SPIDR: variants seen among roughly 807,000 people sequenced by gnomAD.
SPIDR encodes scaffold protein involved in DNA repair, also known as DNA repair-scaffolding protein.
SPIDR carries 93 observed loss-of-function variants against 104.6 expected under a neutral mutation model. The observed-to-expected ratio is 0.89, with a 90% CI of 0.75 to 1.06. The LOEUF (loss-of-function observed/expected upper bound fraction) is 1.06, where lower values mean the gene tolerates loss of function less well. Ranked by LOEUF, SPIDR falls within the 50% of genes least tolerant of loss-of-function variation. SPIDR has a pLI of 0.00. For missense variants in SPIDR, 1,154 were observed against 1,111.2 expected (o/e 1.04, Z -0.55); for synonymous variants, 431 against 416.9 (o/e 1.03, Z -0.41).
chr8:47,362,311 A>C (rs564557128), intron 5 of SPIDR, among the ~76,000 whole-genome samples: 1 of 152,198 alleles, frequency 6.6e-6, no homozygotes, highest in Non-Finnish European at 1.5e-5. Flanking sequence ...TTAGCCGCAG[A>C]GTTGAAAACT....
At chr8:47,527,764 G>GTTTTA (rs931287212) in intron 8 of SPIDR, 1 of 152,162 alleles carries the variant, frequency 6.6e-6, no homozygotes, top group East Asian at 1.9e-4. Flanking sequence ...GTGGGCTACT[G>GTTTTA]TTTTATTTTA....
intron 5 of SPIDR, among the ~76,000 whole-genome samples, chr8:47,334,375 C>T (rs567468509): frequency 4.6e-5 from 7 of 152,180 alleles, no homozygotes; most frequent in African/African-American, 1.4e-4. Context: ...CTTGAAGTCT[C>T]GGATTATGAT....
intron 8 of SPIDR, among the ~76,000 whole-genome samples, chr8:47,504,342 TC>T (rs1021043894): frequency 6.6e-6 from 1 of 152,220 alleles, no homozygotes; most frequent in African/African-American, 2.4e-5. Context: ...TTCTTTTTTT[TC>T]TTTTTTCTCT....
chr8:47,599,110 GCAAAGAGTGTA>G lies in SPIDR; in HGVS notation c.1459_1469del (p.Gln487PhefsTer39). 1 of 1,612,850 alleles carries G rather than the reference GCAAAGAGTGTA, an allele frequency of 6.2e-7. No individual in the cohort carries two copies. Among genetic ancestry groups the G allele is most frequent in the Non-Finnish European group, 8.5e-7 (1 of 1,179,516 alleles). On this transcript the variant is annotated frameshift_variant, in exon 10 of 20. Coordinates refer to ENST00000297423, the MANE Select transcript of SPIDR (RefSeq NM_001080394.4). LOFTEE classifies it high-confidence loss of function. Reference sequence around the variant, plus strand: ...CAGGAGCTGGAGTCCGAGTGGTGGTGCAAAGAGTGTATTCTCTTCCCAGCAGAGACAGCACC... The same window carrying G: ...CAGGAGCTGGAGTCCGAGTGGTGGTGTTCTCTTCCCAGCAGAGACAGCACC...
intron 1 of SPIDR, among the ~76,000 whole-genome samples, chr8:47,271,321 T>C (rs1323646191): frequency 1.3e-5 from 2 of 152,176 alleles, no homozygotes; most frequent in Non-Finnish European, 2.9e-5. Context: ...CTCTCCTTCC[T>C]TCTGAGACTC....
chr8:47,387,849 A>G (rs2060135779), intron 5 of SPIDR, among the ~76,000 whole-genome samples: 1 of 152,206 alleles, frequency 6.6e-6, no homozygotes, highest in Non-Finnish European at 1.5e-5. Context: ...CTACTTGGAA[A>G]TCTTCAAAAG....
chr8:47,693,444 C>T (rs915141193), intron 11 of SPIDR, among the ~76,000 whole-genome samples: 5 of 152,094 alleles, frequency 3.3e-5, no homozygotes, highest in African/African-American at 9.7e-5. Context: ...TGACAGGTGC[C>T]GGCATTGCTG....
chr8:47,646,345 T>C (rs959187203), intron 10 of SPIDR, among the ~76,000 whole-genome samples: 1 of 152,210 alleles, frequency 6.6e-6, no homozygotes, highest in African/African-American at 2.4e-5. Context: ...AGAGAGCACC[T>C]TGGCATGTGT....
chr8:47,415,521 T>C (rs1370174689), intron 7 of SPIDR, among the ~76,000 whole-genome samples: 1 of 152,124 alleles, frequency 6.6e-6, no homozygotes, highest in Non-Finnish European at 1.5e-5. Flanking sequence ...AGTTTGTTGG[T>C]ATTAGGAGGT....
At chr8:47,424,836 G>C (rs1554683540) in intron 7 of SPIDR, among the ~76,000 whole-genome samples, 2 of 152,078 alleles carry the variant, frequency 1.3e-5, no homozygotes, top group African/African-American at 4.8e-5. Flanking sequence ...CCTGGGTCCA[G>C]ACAATTTTTG....
At position 47,487,475 on chromosome 8, in the gene SPIDR, G is replaced by T. The variant is rs1454189902; in HGVS notation, c.1097+46933G>T. On this transcript the variant is annotated intron_variant, in intron 8 of 19. Transcript: ENST00000297423. ...ACAGAAAGTTAAAAAGGATATCCAG[G>T]AATTGAACTCAGCTCTGCACCTAGA... is the stretch of plus-strand genomic sequence containing the variant. Among the ~76,000 whole-genome samples, 4 of 152,084 alleles carry T rather than the reference G, an allele frequency of 2.6e-5. No homozygotes were observed. The East Asian group carries it at 7.7e-4, about 29-fold the overall frequency.
At chr8:47,299,804 C>G (rs1182454384) in intron 5 of SPIDR, among the ~76,000 whole-genome samples, 5 of 152,174 alleles carry the variant, frequency 3.3e-5, no homozygotes, top group African/African-American at 1.2e-4. Flanking sequence ...ATGAAGCCCA[C>G]TTGATCATGG....
chr8:47,594,983 C>T (rs1470488473), intron 8 of SPIDR, among the ~76,000 whole-genome samples: 11 of 151,860 alleles, frequency 7.2e-5, no homozygotes, highest in Non-Finnish European at 1.6e-4. Flanking sequence ...GCGACAGAGC[C>T]GAGACCATGT....
chr8:47,675,457 C>T (rs1416262442), intron 11 of SPIDR, among the ~76,000 whole-genome samples: 3 of 152,120 alleles, frequency 2.0e-5, no homozygotes, highest in Non-Finnish European at 4.4e-5. Context: ...TGTCTAGATA[C>T]GAGAAAAGCT....
At chr8:47,322,853 G>C (rs564416560) in intron 5 of SPIDR, among the ~76,000 whole-genome samples, 20 of 152,056 alleles carry the variant, frequency 1.3e-4, no homozygotes, top group African/African-American at 2.2e-4. Flanking sequence ...AAACCAAACA[G>C]CGCATGTTCT....
At chr8:47,598,024 A>G (rs1050369049) in intron 9 of SPIDR, among the ~76,000 whole-genome samples, 6 of 152,236 alleles carry the variant, frequency 3.9e-5, no homozygotes, top group African/African-American at 4.8e-5. Flanking sequence ...CTCTTTGACT[A>G]TCAAAAGAAG....
At chr8:47,431,300 T>C (rs566481272) in intron 7 of SPIDR, among the ~76,000 whole-genome samples, 1 of 152,200 alleles carries the variant, frequency 6.6e-6, no homozygotes, top group African/African-American at 2.4e-5. Context: ...GGAGCCCCCA[T>C]CTCCAAATAC....
At chr8:47,519,078 TC>T (rs1466485067) in intron 8 of SPIDR, among the ~76,000 whole-genome samples, 1 of 152,206 alleles carries the variant, frequency 6.6e-6, no homozygotes, top group Non-Finnish European at 1.5e-5. Context: ...GTACATATGA[TC>T]AAGAAAATGA....
At chr8:47,575,686 G>T (rs1431026949) in intron 8 of SPIDR, among the ~76,000 whole-genome samples, 1 of 149,778 alleles carries the variant, frequency 6.7e-6, no homozygotes, top group Non-Finnish European at 1.5e-5. Context: ...CTTCGGCCAG[G>T]CGCAGTGGCT....
Sources: allele counts gnomAD v4.1 joint callset (sites outside exome capture counted in the v4.1 genomes callset), GRCh38; gene constraint gnomAD v4.1.1; transcripts MANE v1.5; gene names NCBI Gene and HGNC (gene_info 2026-07-23, HGNC 2026-07-21).